ZNF407: variants seen among roughly 807,000 people sequenced by gnomAD.
ZNF407 encodes zinc finger protein 407.
A neutral mutation model predicts 131.2 loss-of-function variants in ZNF407; 17 were observed. The ratio of observed to expected loss-of-function variants is 0.13; its 90% CI spans 0.09 to 0.19. ZNF407 has a LOEUF of 0.19. ZNF407 is among the 10% of genes least tolerant of loss of function. ZNF407 has a pLI of 1.00. For missense variants in ZNF407, 2,681 were observed against 2,830.6 expected (o/e 0.95, Z 1.20); for synonymous variants, 1,156 against 1,062.0 (o/e 1.09, Z -1.72).
At chr18:74,784,695 C>T (rs1166731540) in intron 4 of ZNF407, among the ~76,000 whole-genome samples, 1 of 152,204 alleles carries the variant, frequency 6.6e-6, no homozygotes, top group Non-Finnish European at 1.5e-5. Context: ...AGTTAACTTG[C>T]AAGTTCATTT....
chr18:74,940,934 G>A (rs1030637694), intron 8 of ZNF407, among the ~76,000 whole-genome samples: 3 of 152,106 alleles, frequency 2.0e-5, no homozygotes, highest in African/African-American at 7.2e-5. Context: ...TCTATAATTG[G>A]GGTGGTAGAA....
intron 3 of ZNF407, among the ~76,000 whole-genome samples, chr18:74,704,869 G>A (rs1341400500): frequency 2.0e-5 from 3 of 152,182 alleles, no homozygotes; most frequent in African/African-American, 7.2e-5. Context: ...CATGTATTGA[G>A]CCTTGGCTCC....
chr18:74,661,319 G>A (rs868734332), intron 3 of ZNF407, among the ~76,000 whole-genome samples: 4 of 150,846 alleles, frequency 2.7e-5, no homozygotes, highest in African/African-American at 9.7e-5. Flanking sequence ...ACTTCTAAAA[G>A]GCTGTAAGCT....
At chr18:74,919,171 C>T (rs1026752157) in intron 7 of ZNF407, among the ~76,000 whole-genome samples, 4 of 152,168 alleles carry the variant, frequency 2.6e-5, no homozygotes, top group Admixed American at 6.5e-5. Context: ...ATACTCCTCT[C>T]GTCAGGAGTG....
At chr18:75,027,952 A>C (rs1350829448) in intron 8 of ZNF407, among the ~76,000 whole-genome samples, 2 of 152,176 alleles carry the variant, frequency 1.3e-5, no homozygotes, top group African/African-American at 4.8e-5. Context: ...ACGCTGCTGC[A>C]CTGTGCCGTG....
chr18:74,969,940 G>C (rs182410719), intron 8 of ZNF407, among the ~76,000 whole-genome samples: 1 of 152,132 alleles, frequency 6.6e-6, no homozygotes, highest in Admixed American at 6.5e-5. Flanking sequence ...AGGCATACCC[G>C]AGACTGGGAA....
chr18:74,863,830 T>G (rs2145162939), intron 4 of ZNF407, among the ~76,000 whole-genome samples: 1 of 152,336 alleles, frequency 6.6e-6, no homozygotes, highest in South Asian at 2.1e-4. Context: ...GTATTCTCTA[T>G]TCTTTTGCTG....
At chr18:74,722,048 C>A (rs918811407) in intron 3 of ZNF407, among the ~76,000 whole-genome samples, 8 of 149,228 alleles carry the variant, frequency 5.4e-5, no homozygotes, top group Admixed American at 1.3e-4. Context: ...GTAGGATTTT[C>A]TCACTGTCTT....
intron 7 of ZNF407, chr18:74,898,468 C>A (rs904098209): frequency 5.3e-5 from 8 of 152,162 alleles, no homozygotes; most frequent in Non-Finnish European, 1.2e-4. Flanking sequence ...TGCAGAACTG[C>A]AAGTGAGCAA....
At chr18:74,699,589 A>G (rs1017303104) in intron 3 of ZNF407, among the ~76,000 whole-genome samples, 6 of 152,148 alleles carry the variant, frequency 3.9e-5, no homozygotes, top group African/African-American at 1.2e-4. Context: ...GGAGGTACAC[A>G]AGGATGAGGC....
At chr18:74,665,940 A>G (rs936210379) in intron 3 of ZNF407, among the ~76,000 whole-genome samples, 1 of 152,178 alleles carries the variant, frequency 6.6e-6, no homozygotes, top group Non-Finnish European at 1.5e-5. Flanking sequence ...CACATACATA[A>G]TGTTTAAAGA....
chr18:75,024,052 G>A (rs1599299112), intron 8 of ZNF407, among the ~76,000 whole-genome samples: 1 of 152,178 alleles, frequency 6.6e-6, no homozygotes. Context: ...GGAGTCTCAA[G>A]CTTATCCTCA....
chr18:74,802,271 G>T (rs1970032740), intron 4 of ZNF407, among the ~76,000 whole-genome samples: 1 of 151,966 alleles, frequency 6.6e-6, no homozygotes, highest in Non-Finnish European at 1.5e-5. Context: ...TAATTTTAGT[G>T]GCCTTTTAAC....
At chr18:74,881,528 C>G (rs1051770065) in intron 6 of ZNF407, among the ~76,000 whole-genome samples, 5 of 152,102 alleles carry the variant, frequency 3.3e-5, no homozygotes, top group African/African-American at 1.2e-4. Context: ...CACCCGCCTC[C>G]CCATTTAGCT....
chr18:74,983,612 T>G (rs1972618734), intron 8 of ZNF407, among the ~76,000 whole-genome samples: 1 of 152,180 alleles, frequency 6.6e-6, no homozygotes, highest in African/African-American at 2.4e-5. Flanking sequence ...AGGAAATATT[T>G]GCCAGGCCCA....
At chr18:74,891,389 T>C (rs1251916056) in intron 7 of ZNF407, among the ~76,000 whole-genome samples, 1 of 152,236 alleles carries the variant, frequency 6.6e-6, no homozygotes, top group Admixed American at 6.5e-5. Context: ...TTATGTATGT[T>C]AAGCCTGAAA....
chr18:74,818,179 A>T (rs1366203702), intron 4 of ZNF407, among the ~76,000 whole-genome samples: 4 of 152,160 alleles, frequency 2.6e-5, no homozygotes, highest in Non-Finnish European at 1.5e-5. Context: ...GCCTGTGCCC[A>T]TGTCTCCCTT....
intron 4 of ZNF407, among the ~76,000 whole-genome samples, chr18:74,852,932 A>G (rs1347592281): frequency 6.6e-6 from 1 of 152,232 alleles, no homozygotes; most frequent in East Asian, 1.9e-4. Context: ...TGTTTGCTGT[A>G]TAATTTCATA....
At chr18:74,946,278 A>T (rs1972152869) in intron 8 of ZNF407, among the ~76,000 whole-genome samples, 1 of 152,312 alleles carries the variant, frequency 6.6e-6, no homozygotes, top group Non-Finnish European at 1.5e-5. Flanking sequence ...GGAATTTTCA[A>T]ATTCCACAAA....
Sources: allele counts gnomAD v4.1 joint callset (sites outside exome capture counted in the v4.1 genomes callset), GRCh38; gene constraint gnomAD v4.1.1; transcripts MANE v1.5; gene names NCBI Gene and HGNC (gene_info 2026-07-23, HGNC 2026-07-21).